Variants in C1orf105 observed in about 807,000 individuals in gnomAD.
The protein encoded by C1orf105 is uncharacterized protein C1orf105.
In C1orf105, 17 loss-of-function variants were observed where a neutral mutation model predicts 20.8. The observed-to-expected ratio is 0.82, with a 90% CI of 0.56 to 1.23. The LOEUF (loss-of-function observed/expected upper bound fraction) is 1.23, where lower values mean the gene tolerates loss of function less well. Among genes scored for constraint, C1orf105 ranks in the 50% most tolerant of loss-of-function variants. C1orf105 has a pLI of 0.00. For missense variants in C1orf105, 219 were observed against 213.5 expected (o/e 1.03, Z -0.16); for synonymous variants, 72 against 72.1 (o/e 1.00, Z 0.01).
chr1:172,440,654 A>G (rs1395715911), intron 1 of C1orf105, among the ~76,000 whole-genome samples: 1 of 152,024 alleles, frequency 6.6e-6, no homozygotes, highest in African/African-American at 2.4e-5. Context: ...TCCCCTCCCA[A>G]AAGTCCCCAT....
At chr1:172,431,585 G>C (rs1379436098) in intron 1 of C1orf105, among the ~76,000 whole-genome samples, 1 of 152,242 alleles carries the variant, frequency 6.6e-6, no homozygotes, top group Non-Finnish European at 1.5e-5. Context: ...AAGTTATCCA[G>C]AAGATCTAGC....
chr1:172,443,326 T>C (rs1237671583), intron 1 of C1orf105: 2 of 167,060 alleles, frequency 1.2e-5, no homozygotes, highest in Non-Finnish European at 2.9e-5. Context: ...AGGGATAATA[T>C]CCATAGTTTT....
chr1:172,423,143 TA>T (rs1290285712), intron 1 of C1orf105, among the ~76,000 whole-genome samples: 5 of 152,188 alleles, frequency 3.3e-5, no homozygotes, highest in Admixed American at 3.3e-4. Flanking sequence ...ACATAGATGG[TA>T]GCCACGTAAT....
intron 6 of C1orf105, 126 bp from the exon 7 acceptor site, chr1:172,468,323 A>T: frequency 2.9e-6 from 2 of 687,770 alleles, no homozygotes; most frequent in African/African-American, 1.8e-5. Flanking sequence ...TCAAATTATT[A>T]GGTGAATTTT....
chr1:172,427,803 T>C (rs940115320), intron 1 of C1orf105, among the ~76,000 whole-genome samples: 1 of 152,226 alleles, frequency 6.6e-6, no homozygotes, highest in African/African-American at 2.4e-5. Context: ...TTTGGAGTTC[T>C]TGGTCCTTTT....
At position 172,462,211 on chromosome 1, in the gene C1orf105, C is replaced by T; in HGVS notation, c.307C>T (p.Pro103Ser). 6.2e-7 allele frequency: 1 copy of T among 1,609,830 alleles called. No individual in the cohort carries two copies. Among genetic ancestry groups the T allele is most frequent in the Non-Finnish European group, 8.5e-7 (1 of 1,178,212 alleles). Residue 103 changes from proline (P) to serine (S), a missense_variant, in exon 5 of 7, where the codon CCA becomes TCA. Pro to Ser is a moderately conservative substitution (Grantham distance 74). Transcript: ENST00000367727. ...AAGAACAATGAAAATCCCAGATGAT[C>T]CAAAAGCATCCTTTGAGAATTGTAT... is the stretch of plus-strand genomic sequence containing the variant. ...QPRTMKIPDD[P>S]KASFENCMSY... is the part of the protein sequence containing the mutation.
chr1:172,457,858 T>G (rs6691993), intron 4 of C1orf105, among the ~76,000 whole-genome samples: 71,136 of 152,104 alleles, frequency 0.47, 17,047 homozygotes, highest in East Asian at 0.68. Context: ...GGGACCCTTC[T>G]GTACTGCTGT....
chr1:172,445,202 C>A (rs1445269346), intron 2 of C1orf105, 44 bp downstream of exon 2: 2 of 1,462,386 alleles, frequency 1.4e-6, no homozygotes, highest in Admixed American at 3.6e-5. Flanking sequence ...CGAAACATCT[C>A]ACAGAAGATG....
intron 3 of C1orf105, chr1:172,451,010 C>A (rs1188287295): frequency 6.6e-6 from 1 of 152,252 alleles, no homozygotes; most frequent in East Asian, 1.9e-4. Context: ...TTGCAGGCAT[C>A]CACTCACGAC....
chr1:172,439,375 A>G (rs2072142897), intron 1 of C1orf105, among the ~76,000 whole-genome samples: 1 of 152,228 alleles, frequency 6.6e-6, no homozygotes, highest in African/African-American at 2.4e-5. Context: ...CTCCACTGCC[A>G]GGATGCATCA....
intron 3 of C1orf105, among the ~76,000 whole-genome samples, chr1:172,450,038 G>C (rs1485735998): frequency 1.3e-5 from 2 of 152,200 alleles, no homozygotes; most frequent in African/African-American, 4.8e-5. Context: ...AGGAGTGAGA[G>C]GCCATTCTCC....
rs140148468 is a variant in C1orf105, at chr1:172,439,813, C to T, written c.22-5260C>T. ...TCATAGAACTCTTTACTATCTTCAA[C>T]CACCAACACCTAGCCCTGTTCCTGA... On this transcript the variant is annotated intron_variant, in intron 1 of 6. Coordinates refer to ENST00000367727, the MANE Select transcript of C1orf105 (RefSeq NM_139240.4). 3.6e-3 allele frequency among the ~76,000 whole-genome samples: 545 copies of T among 152,304 alleles called. 5 individuals carry two copies. Among genetic ancestry groups the T allele is most frequent in the African/African-American group, 0.013 (520 of 41,554 alleles).
At chr1:172,439,573 CTGAG>C (rs1405542139) in intron 1 of C1orf105, among the ~76,000 whole-genome samples, 1 of 152,132 alleles carries the variant, frequency 6.6e-6, no homozygotes, top group Non-Finnish European at 1.5e-5. Flanking sequence ...AGATCAGGGA[CTGAG>C]TGACTCCAAA....
chr1:172,437,375 T>C (rs1371474782), intron 1 of C1orf105, among the ~76,000 whole-genome samples: 2 of 151,864 alleles, frequency 1.3e-5, no homozygotes, highest in Non-Finnish European at 2.9e-5. Context: ...GAAAATGTGG[T>C]ACATATACAC....
chr1:172,457,544 T>C (rs1649375300), intron 4 of C1orf105, among the ~76,000 whole-genome samples: 1 of 152,236 alleles, frequency 6.6e-6, no homozygotes, highest in Admixed American at 6.5e-5. Flanking sequence ...ATGTTCATTT[T>C]CTACATAATT....
At chr1:172,435,698 C>A (rs1294686808) in intron 1 of C1orf105, among the ~76,000 whole-genome samples, 1 of 152,148 alleles carries the variant, frequency 6.6e-6, no homozygotes, top group Non-Finnish European at 1.5e-5. Context: ...GACAAGCATG[C>A]CCTCTCTCAT....
In C1orf105 at chr1:172,466,602, ACACACACACACAC is replaced by A. The variant is rs1276361315; in HGVS notation, c.406+1240_406+1252del. ...CACACACACACACACACACACACACACACACACACACACAATCACACACAATCATTGTGTGCCT... is the reference window on the plus strand; with the variant it reads ...CACACACACACACACACACACACACAAATCACACACAATCATTGTGTGCCT... On this transcript the variant is annotated intron_variant, in intron 6 of 6. Coordinates refer to ENST00000367727, the MANE Select transcript of C1orf105 (RefSeq NM_139240.4). Among the ~76,000 whole-genome samples, 266 of 78,268 alleles carry A rather than the reference ACACACACACACAC, an allele frequency of 3.4e-3. 1 individual carries two copies. Among genetic ancestry groups the A allele is most frequent in the African/African-American group, 0.011 (262 of 24,508 alleles). 51.3% of individuals were successfully genotyped at this position (78,268 alleles called of 152,430 possible).
chr1:172,429,027 G>C (rs971312830), intron 1 of C1orf105, among the ~76,000 whole-genome samples: 3 of 152,206 alleles, frequency 2.0e-5, no homozygotes, highest in Admixed American at 1.3e-4. Context: ...AGCATTAAAA[G>C]CAACTGCCTA....
chr1:172,423,457 T>C (rs1206750860), intron 1 of C1orf105, among the ~76,000 whole-genome samples: 1 of 152,164 alleles, frequency 6.6e-6, no homozygotes, highest in Non-Finnish European at 1.5e-5. Flanking sequence ...CTGATATGGC[T>C]GCAGTGGCCA....
Sources: allele counts gnomAD v4.1 joint callset (sites outside exome capture counted in the v4.1 genomes callset), GRCh38; gene constraint gnomAD v4.1.1; transcripts MANE v1.5; gene names NCBI Gene and HGNC (gene_info 2026-07-23, HGNC 2026-07-21).